Variants in ZNF805 observed in about 807,000 individuals in gnomAD.
ZNF805 encodes zinc finger protein 805, also known as CTC-444N24.8.
ZNF805 carries 7 observed loss-of-function variants against 13.6 expected under a neutral mutation model. The ratio of observed to expected loss-of-function variants is 0.51; its 90% CI spans 0.29 to 0.97. The LOEUF (loss-of-function observed/expected upper bound fraction) is 0.97, where lower values mean the gene tolerates loss of function less well. Ranked by LOEUF, ZNF805 falls within the 50% of genes least tolerant of loss-of-function variation. ZNF805 has a pLI of 0.08. For missense variants in ZNF805, 604 were observed against 771.0 expected (o/e 0.78, Z 2.57); for synonymous variants, 293 against 279.8 (o/e 1.05, Z -0.47).
intron 3 of ZNF805, among the ~76,000 whole-genome samples, chr19:57,249,576 A>G (rs2087639436): frequency 6.6e-6 from 1 of 152,182 alleles, no homozygotes; most frequent in Non-Finnish European, 1.5e-5. Flanking sequence ...ATGAGTGATG[A>G]TACGTTACAT....
chr19:57,253,721 C>G lies in ZNF805; in HGVS notation c.902C>G (p.Thr301Ser), dbSNP rs749033443. 5 of 1,613,884 alleles carry G rather than the reference C, an allele frequency of 3.1e-6. No individual in the cohort carries two copies. In the South Asian group the frequency reaches 4.4e-5, roughly 14 times the overall value. The change falls in exon 4 of 4, where the codon ACT becomes AGT. Residue 301 changes from threonine to serine, a missense_variant. By Grantham distance (58) the Thr-to-Ser change is moderately conservative (BLOSUM62 1). This residue lies in a region of ZNF805 where 327 missense variants were observed against 378.2 expected (regional missense o/e 0.86). Coordinates refer to ENST00000414468, the MANE Select transcript of ZNF805 (RefSeq NM_001023563.4). This position sits in a 1 kb window ranked among gnomAD's most constrained non-coding sequence, Gnocchi z 4.4. ...ECGKAFTHRS[T>S]FVLHNRSHTG... ...GGAAAGGCCTTCACCCACCGCTCCACTTTTGTCTTGCATAACAGGAGCCAC... is the reference window on the plus strand; with the variant it reads ...GGAAAGGCCTTCACCCACCGCTCCAGTTTTGTCTTGCATAACAGGAGCCAC...
At position 57,253,949 on chromosome 19, in the gene ZNF805, G is replaced by A. The variant is rs746569374; in HGVS notation, c.1130G>A (p.Gly377Glu). The change falls in exon 4 of 4, where the codon GGG (glycine) becomes GAG (glutamate). Residue 377 changes from glycine (G) to glutamate (E), a missense_variant. By Grantham distance (98) the Gly-to-Glu change is moderately conservative. Around this residue, in one of 3 missense-constraint regions of ZNF805, gnomAD observed 228 missense variants for 352.8 expected, o/e 0.65. Coordinates refer to ENST00000414468, the MANE Select transcript of ZNF805 (RefSeq NM_001023563.4). The surrounding 1 kb of genome is among the most constrained non-coding windows in gnomAD (Gnocchi z 4.4). ...AAGCCCTATGAGTGCAGTGAATGTG[G>A]GAAGGCCTTCTGTGAGAGCGCAGCG... Reference protein sequence around the residue: ...GEKPYECSECGKAFCESAALI... With the variant: ...GEKPYECSECEKAFCESAALI... 1.4e-4 allele frequency: 226 copies of A among 1,613,966 alleles called. 1 individual carries two copies. The highest frequency in any genetic ancestry group is 1.8e-4 in the Non-Finnish European group (210 of 1,180,028).
At chr19:57,251,053 A>G (rs143432667) in intron 3 of ZNF805, among the ~76,000 whole-genome samples, 1 of 152,288 alleles carries the variant, frequency 6.6e-6, no homozygotes, top group Non-Finnish European at 1.5e-5. Flanking sequence ...CTGAGCACTT[A>G]ATTGTTTACA....
chr19:57,248,699 A>G lies in ZNF805; in HGVS notation c.252A>G (p.Pro84=), dbSNP rs753406736. The change falls in exon 3 of 4, where the codon CCA becomes CCG. Residue 84 remains proline, a splice_region_variant and synonymous_variant. Transcript: ENST00000414468. ...RKEDLSQGTC[P]GDKGKPKSTE... ...AAGACCTCTCCCAAGGCACCTGTCC[A>G]GGTAGGAGCCAAGATCTGGGCAGGT... 2.5e-6 allele frequency: 4 copies of G among 1,585,344 alleles called. No homozygotes were observed. The South Asian group carries it at 4.6e-5, about 18-fold the overall frequency.
intron 1 of ZNF805, 81 bp downstream of exon 1, chr19:57,241,002 C>G: frequency 7.0e-7 from 1 of 1,429,456 alleles, no homozygotes; most frequent in Non-Finnish European, 9.6e-7. Flanking sequence ...CCAAGACAGC[C>G]ACAGGATTCC....
At chr19:57,251,636 T>G (rs966597743) in intron 3 of ZNF805, among the ~76,000 whole-genome samples, 3 of 50,356 alleles carry the variant, frequency 6.0e-5, no homozygotes, top group Non-Finnish European at 1.9e-4. Flanking sequence ...TGATTTATGT[T>G]TTTTTTTTAC....
Position 57,245,575 on chromosome 19 carries a change from A to G in ZNF805, c.157+1526A>G, listed in dbSNP as rs2361126. On this transcript the variant is annotated intron_variant, in intron 2 of 3. Transcript: ENST00000414468. ...TGGGCGGATCACAAGGTCAGGAGAT[A>G]GAGACCATCCTGGCTAACACGGTGC... Among the ~76,000 whole-genome samples the G allele has an allele frequency of 1.6e-3, 234 of 148,610 alleles. 2 individuals are homozygous for G. The highest frequency in any genetic ancestry group is 7.0e-3 in the Middle Eastern group (2 of 286).
chr19:57,253,478 G>A lies in ZNF805; in HGVS notation c.659G>A (p.Arg220Gln), dbSNP rs774160085. 9 of 1,601,374 alleles carry A rather than the reference G, an allele frequency of 5.6e-6. No individual in the cohort carries two copies. Among genetic ancestry groups the A allele is most frequent in the Admixed American group, 1.7e-5 (1 of 57,388 alleles). Residue 220 changes from arginine (R) to glutamine (Q), a missense_variant, in exon 4 of 4, where the codon CGG becomes CAG. Arg to Gln is a conservative substitution (Grantham distance 43). Coordinates refer to ENST00000414468, the MANE Select transcript of ZNF805 (RefSeq NM_001023563.4). The surrounding 1 kb of genome is among the most constrained non-coding windows in gnomAD (Gnocchi z 4.4). ...KVFNKKRLLA[R>Q]HERIHSGVKP... ...TTTAACAAGAAACGCCTGCTTGCTC[G>A]GCATGAGAGGATTCACTCTGGAGTG...
intron 3 of ZNF805, among the ~76,000 whole-genome samples, chr19:57,249,046 A>G (rs980009780): frequency 2.6e-5 from 4 of 152,190 alleles, no homozygotes; most frequent in East Asian, 1.9e-4. Context: ...CAAAATTTAA[A>G]TGATTCACAC....
chr19:57,243,816 C>T, intron 1 of ZNF805, 107 bp from the exon 2 acceptor site: 1 of 1,514,808 alleles, frequency 6.6e-7, no homozygotes, highest in South Asian at 1.2e-5. Flanking sequence ...AAGTTAGGCC[C>T]TCAGGAGGCC....
Position 57,253,237 on chromosome 19 carries a change from A to C in ZNF805, c.418A>C (p.Arg140=). 3 of 1,557,874 alleles carry C rather than the reference A, an allele frequency of 1.9e-6. No individual in the cohort carries two copies. The highest frequency in any genetic ancestry group is 2.6e-6 in the Non-Finnish European group (3 of 1,150,806). ...GFSEMQGERL[R]PGLDSQKEKL... Reference sequence around the variant, plus strand: ...TTCAGAAATGCAGGGAGAACGCTTGAGACCAGGGTTAGATTCCCAAAAGGA... The same window carrying C: ...TTCAGAAATGCAGGGAGAACGCTTGCGACCAGGGTTAGATTCCCAAAAGGA... The change falls in exon 4 of 4, where the codon AGA becomes CGA. Residue 140 remains arginine, a synonymous_variant. Coordinates refer to ENST00000414468, the MANE Select transcript of ZNF805 (RefSeq NM_001023563.4). This position sits in a 1 kb window ranked among gnomAD's most constrained non-coding sequence, Gnocchi z 4.4.
Position 57,254,625 on chromosome 19 carries a change from T to A in ZNF805, c.1806T>A (p.Asn602Lys), listed in dbSNP as rs1182634634. Residue 602 changes from asparagine (N) to lysine (K), a missense_variant, in exon 4 of 4, where the codon AAT (asparagine) becomes AAA (lysine). Asn to Lys is a moderately conservative substitution (Grantham distance 94). Around this residue, in one of 3 missense-constraint regions of ZNF805, gnomAD observed 49 missense variants for 40.0 expected, o/e 1.23. Coordinates refer to ENST00000414468, the MANE Select transcript of ZNF805 (RefSeq NM_001023563.4). ...TTTTGAATGTCACCACTGAGGAAAA[T>A]CTTTTGCAAGAGGAAGCATCTTACA... ...KNFLNVTTEE[N>K]LLQEEASYMA... 6.2e-7 allele frequency: 1 copy of A among 1,614,068 alleles called. No individual in the cohort carries two copies. Among genetic ancestry groups the A allele is most frequent in the East Asian group, 2.2e-5 (1 of 44,880 alleles).
Position 57,261,124 on chromosome 19 carries a change from CT to C in ZNF805, c.*6424del. Among the ~76,000 whole-genome samples the C allele has an allele frequency of 6.6e-6, 1 of 152,292 alleles. No individual in the cohort carries two copies. Among genetic ancestry groups the C allele is most frequent in the East Asian group, 1.9e-4 (1 of 5,190 alleles). On this transcript the variant is annotated 3_prime_UTR_variant, in exon 4 of 4. Transcript: ENST00000414468. ...CTTTATTGCTTCTCATAAGGTGGGT[CT>C]TTGTTTCCTGGTCATCACTTGTTTT...
chr19:57,248,910 A>C (rs1280761514), intron 3 of ZNF805, among the ~76,000 whole-genome samples: 1 of 152,012 alleles, frequency 6.6e-6, no homozygotes, highest in Non-Finnish European at 1.5e-5. Context: ...GTGAACTGAG[A>C]CTGGTCCTGG....
rs199865988 is a variant in ZNF805 at position 57,254,617 on chromosome 19, G to A, written c.1798G>A (p.Glu600Lys). ...LGKNFLNVTTEENLLQEEASY... is the reference protein window; with the variant it reads ...LGKNFLNVTTKENLLQEEASY... The stretch of plus-strand genomic sequence containing the variant: ...GAAAAACTTTTTGAATGTCACCACT[G>A]AGGAAAATCTTTTGCAAGAGGAAGC... Residue 600 changes from glutamate (E) to lysine (K), a missense_variant, in exon 4 of 4, where the codon GAG (glutamate) becomes AAG (lysine). Glu to Lys is a moderately conservative substitution (Grantham distance 56). This residue lies in a region of ZNF805 where 49 missense variants were observed against 40.0 expected (regional missense o/e 1.23). Transcript: ENST00000414468. 6.8e-4 allele frequency: 1,094 copies of A among 1,614,102 alleles called. No homozygotes were observed. Among genetic ancestry groups the A allele is most frequent in the Non-Finnish European group, 8.5e-4 (1,007 of 1,179,994 alleles).
Position 57,254,840 on chromosome 19 carries a change from T to C in ZNF805, c.*137T>C. The stretch of plus-strand genomic sequence containing the variant: ...GTTATTACGCACTTGGGAAAACCTT[T>C]AGCTCCATCTTTCTCATTAGTTTAC... On this transcript the variant is annotated 3_prime_UTR_variant, in exon 4 of 4. Transcript: ENST00000414468. 1.2e-6 allele frequency: 1 copy of C among 844,548 alleles called. No individual in the cohort carries two copies. The highest frequency in any genetic ancestry group is 1.7e-5 in the African/African-American group (1 of 58,230). 52.3% of individuals were successfully genotyped at this position (844,548 alleles called of 1,614,324 possible).
intron 3 of ZNF805, among the ~76,000 whole-genome samples, chr19:57,251,606 G>C (rs749977596): frequency 6.6e-6 from 1 of 150,814 alleles, no homozygotes; most frequent in African/African-American, 2.4e-5. Context: ...TGTTCAATGA[G>C]TTCCTTACAT....
intron 1 of ZNF805, among the ~76,000 whole-genome samples, chr19:57,243,363 C>T (rs112687674): frequency 6.6e-6 from 1 of 152,106 alleles, no homozygotes; most frequent in African/African-American, 2.4e-5. Context: ...ATCCCAAAGT[C>T]CAGTAAGCTC....
chr19:57,246,947 A>G (rs547985297), intron 2 of ZNF805, among the ~76,000 whole-genome samples: 5 of 152,244 alleles, frequency 3.3e-5, no homozygotes, highest in African/African-American at 1.2e-4. Flanking sequence ...CATCCAGTTT[A>G]ACTTACTCAG....
Sources: gnomAD v4.1 joint callset for allele counts (sites outside exome capture counted in the v4.1 genomes callset) on GRCh38, gnomAD v4.1.1 for gene constraint, gnomAD v4.1.1 regional missense constraint, Gnocchi (gnomAD v3.1) non-coding constraint, MANE v1.5 for transcripts, NCBI Gene and HGNC (gene_info 2026-07-23, HGNC 2026-07-21) for gene names.